Variants in SUPT3H observed in about 807,000 individuals in gnomAD.
The protein encoded by SUPT3H is SPT3 homolog, SAGA and STAGA complex component.
Under a neutral mutation model 44.3 loss-of-function variants are expected in SUPT3H, and 44 were observed. The ratio of observed to expected loss-of-function variants is 0.99; its 90% confidence interval spans 0.78 to 1.28. The LOEUF (loss-of-function observed/expected upper bound fraction) is 1.28, where lower values mean the gene tolerates loss of function less well. SUPT3H is among the 50% of genes most tolerant of loss of function. The pLI is 0.00. For synonymous variants in SUPT3H, 124 were observed against 125.6 expected (o/e 0.99, Z 0.09); for missense variants, 380 against 387.1 (o/e 0.98, Z 0.15).
At chr6:44,952,763 G>T (rs556207406) in intron 9 of SUPT3H, among the ~76,000 whole-genome samples, 19 of 152,248 alleles carry the variant, frequency 1.2e-4, no homozygotes, top group African/African-American at 4.1e-4. Flanking sequence ...CTTAAAATTG[G>T]AAAGAAAACT....
intron 10 of SUPT3H, among the ~76,000 whole-genome samples, chr6:44,909,142 C>CGTGCGT (rs1766602898): frequency 6.8e-6 from 1 of 146,958 alleles, no homozygotes; most frequent in Admixed American, 6.8e-5. Context: ...TGTGTGTGTG[C>CGTGCGT]GTGTGTGTGT....
chr6:45,232,974 GA>G (rs1768346831), intron 2 of SUPT3H, among the ~76,000 whole-genome samples: 1 of 152,180 alleles, frequency 6.6e-6, no homozygotes, highest in South Asian at 2.1e-4. Flanking sequence ...GTGAGAGCCT[GA>G]ACACAGTGAT....
chr6:44,904,025 G>T (rs992354301), intron 10 of SUPT3H, among the ~76,000 whole-genome samples: 2 of 152,128 alleles, frequency 1.3e-5, no homozygotes, highest in Non-Finnish European at 2.9e-5. Flanking sequence ...TTGATGGGAT[G>T]CATCTCAAAA....
intron 10 of SUPT3H, among the ~76,000 whole-genome samples, chr6:44,839,702 G>T (rs1561864219): frequency 4.0e-5 from 6 of 148,804 alleles, no homozygotes; most frequent in African/African-American, 1.2e-4. Flanking sequence ...TTCAGCACCA[G>T]TTTTTTTTTT....
chr6:44,973,718 T>C (rs1482326935), intron 6 of SUPT3H, among the ~76,000 whole-genome samples: 1 of 152,110 alleles, frequency 6.6e-6, no homozygotes, highest in South Asian at 2.1e-4. Context: ...TAAAGGAAAA[T>C]GGTTTAATTG....
intron 10 of SUPT3H, among the ~76,000 whole-genome samples, chr6:44,925,991 A>G (rs1034996502): frequency 6.6e-6 from 1 of 152,294 alleles, no homozygotes; most frequent in Admixed American, 6.5e-5. Flanking sequence ...TCAATATTGT[A>G]TTCTTTATAT....
At chr6:45,037,557 G>A (rs182961955) in intron 3 of SUPT3H, among the ~76,000 whole-genome samples, 17 of 151,538 alleles carry the variant, frequency 1.1e-4, no homozygotes, top group East Asian at 1.9e-4. Flanking sequence ...CCAGCTACTC[G>A]GGAGGCTGAG....
chr6:45,267,578 T>G (rs553983344), intron 2 of SUPT3H, among the ~76,000 whole-genome samples: 85 of 152,364 alleles, frequency 5.6e-4, no homozygotes, highest in Non-Finnish European at 7.2e-4. Context: ...TTCTTAGTGT[T>G]ATTCTTCAGT....
chr6:44,954,627 A>C lies in SUPT3H; in HGVS notation c.581-20T>G. On this transcript the variant is annotated intron_variant, in intron 7 of 10. Transcript: ENST00000371459. ...TTTTGGCTGGCCATTTAAAAAAAAC[A>C]AGTGCAGAAATTTTAATTTTTAAAG... 6.7e-7 allele frequency: 1 copy of C among 1,496,482 alleles called. No individual in the cohort carries two copies. The allele number at this position is 1,496,482 out of a possible 1,614,324, so 92.7% of individuals were successfully genotyped here.
At chr6:45,140,522 T>A in intron 2 of SUPT3H, among the ~76,000 whole-genome samples, 1 of 152,218 alleles carries the variant, frequency 6.6e-6, no homozygotes, top group East Asian at 1.9e-4. Flanking sequence ...TTTCACCGTC[T>A]GCAATACCCT....
intron 5 of SUPT3H, among the ~76,000 whole-genome samples, chr6:45,005,456 T>C (rs1782576668): frequency 6.6e-6 from 1 of 152,134 alleles, no homozygotes; most frequent in Non-Finnish European, 1.5e-5. Flanking sequence ...AAATTTAAAA[T>C]TTGCCAGGCG....
intron 3 of SUPT3H, among the ~76,000 whole-genome samples, chr6:45,094,489 A>G (rs1397529841): frequency 3.9e-5 from 6 of 152,156 alleles, no homozygotes; most frequent in African/African-American, 1.2e-4. Context: ...ATTGGTTAGT[A>G]GGATATACTA....
intron 3 of SUPT3H, among the ~76,000 whole-genome samples, chr6:45,035,230 T>C (rs1787499560): frequency 6.6e-6 from 1 of 152,142 alleles, no homozygotes; most frequent in Non-Finnish European, 1.5e-5. Context: ...AGTTGATGGA[T>C]TAGACCTGAC....
chr6:45,313,677 G>A (rs778228513), intron 2 of SUPT3H, among the ~76,000 whole-genome samples: 46 of 142,494 alleles, frequency 3.2e-4, no homozygotes, highest in East Asian at 1.0e-3. Flanking sequence ...AAAAGTCCAC[G>A]ACCAGACGGA....
chr6:45,030,238 T>C (rs1283519601), intron 3 of SUPT3H, among the ~76,000 whole-genome samples: 3 of 152,236 alleles, frequency 2.0e-5, no homozygotes, highest in South Asian at 2.1e-4. Context: ...TGATGTATTT[T>C]TGAAGTCTAA....
downstream of SUPT3H, among the ~76,000 whole-genome samples, chr6:44,823,839 T>C (rs1767536113): frequency 6.6e-6 from 1 of 152,134 alleles, no homozygotes; most frequent in East Asian, 1.9e-4. Flanking sequence ...GGCAGGCGCC[T>C]GTAATCCCAG....
At chr6:45,030,043 G>A (rs1786671016) in intron 3 of SUPT3H, among the ~76,000 whole-genome samples, 1 of 151,804 alleles carries the variant, frequency 6.6e-6, no homozygotes, top group South Asian at 2.1e-4. Context: ...GGGATTACAG[G>A]TGTGAGCTAT....
chr6:45,048,642 T>A (rs1027158707), intron 3 of SUPT3H, among the ~76,000 whole-genome samples: 5 of 152,142 alleles, frequency 3.3e-5, no homozygotes, highest in African/African-American at 1.2e-4. Context: ...GGAATCAACC[T>A]AGGAGTCCAT....
chr6:44,899,910 A>G (rs1764699876), intron 10 of SUPT3H, among the ~76,000 whole-genome samples: 1 of 152,224 alleles, frequency 6.6e-6, no homozygotes, highest in East Asian at 1.9e-4. Flanking sequence ...TGGAATGTAG[A>G]TGGAGACAAC....
Sources: gnomAD v4.1 joint callset for allele counts (sites outside exome capture counted in the v4.1 genomes callset) on GRCh38, gnomAD v4.1.1 for gene constraint, MANE v1.5 for transcripts, NCBI Gene and HGNC (gene_info 2026-07-23, HGNC 2026-07-21) for gene names.